The following RORA variants were observed in gnomAD, a reference collection of about 807,000 sequenced individuals.
RORA encodes the protein RAR related orphan receptor A.
In RORA, 7 loss-of-function variants were observed where a neutral mutation model predicts 69.5. The observed-to-expected ratio is 0.10, with a 90% CI of 0.06 to 0.19. RORA has a LOEUF of 0.19. RORA is among the 10% of genes least tolerant of loss of function. The pLI, the probability that RORA is intolerant of heterozygous loss-of-function variation, is 1.00. For missense variants in RORA, 457 were observed against 663.0 expected, an observed-to-expected ratio of 0.69 and a Z score of 3.41; for synonymous variants, 261 against 240.8, an observed-to-expected ratio of 1.08 and a Z score of -0.78.
intron 2 of RORA, among the ~76,000 whole-genome samples, chr15:60,578,219 T>C (rs527339916): frequency 3.9e-5 from 6 of 152,348 alleles, no homozygotes; most frequent in South Asian, 2.1e-4. Flanking sequence ...ATATCATCCA[T>C]GGGTCACTTG....
At chr15:60,896,473 C>T (rs1891234102) in intron 1 of RORA, among the ~76,000 whole-genome samples, 1 of 152,200 alleles carries the variant, frequency 6.6e-6, no homozygotes, top group African/African-American at 2.4e-5. Flanking sequence ...TCTCCTGATA[C>T]CCACACAGGA....
Position 60,531,644 on chromosome 15 carries a change from G to A in RORA, c.282+122C>T, listed in dbSNP as rs973939705. On this transcript the variant is annotated intron_variant, in intron 3 of 10. Transcript: ENST00000335670. This position sits in a 1 kb window ranked among gnomAD's most constrained non-coding sequence, Gnocchi z 4.8. ...AACACCAAAATATTTCTTCTATCCT[G>A]TAATTTCTTATCATTCAAAATTCTA... The A allele has an allele frequency of 1.3e-5, 8 of 611,110 alleles. No individual in the cohort carries two copies. Among genetic ancestry groups the A allele is most frequent in the Non-Finnish European group, 2.3e-5 (8 of 349,976 alleles). 37.9% of individuals were successfully genotyped at this position (611,110 alleles called of 1,614,324 possible).
At chr15:60,993,525 C>T (rs535350632) in intron 1 of RORA, among the ~76,000 whole-genome samples, 74 of 151,834 alleles carry the variant, frequency 4.9e-4, no homozygotes, top group Non-Finnish European at 9.3e-4. Context: ...TGCCTGTAAT[C>T]CTGGCTACTC....
chr15:60,547,223 T>C (rs2067097567), intron 2 of RORA, among the ~76,000 whole-genome samples: 1 of 152,166 alleles, frequency 6.6e-6, no homozygotes, highest in African/African-American at 2.4e-5. Flanking sequence ...GTCAAAGTTC[T>C]TATGTTGTCA....
chr15:61,126,827 C>T (rs78980577), intron 1 of RORA, among the ~76,000 whole-genome samples: 1,684 of 152,270 alleles, frequency 0.011, 26 homozygotes, highest in African/African-American at 0.036. Flanking sequence ...CATTCCATGC[C>T]GCTGGAGTGC....
chr15:60,890,421 G>A (rs2073800641), intron 1 of RORA, among the ~76,000 whole-genome samples: 1 of 152,204 alleles, frequency 6.6e-6, no homozygotes, highest in African/African-American at 2.4e-5. Flanking sequence ...ATCAAGAGGT[G>A]TACCGCTTGT....
chr15:60,897,371 C>T (rs1271889119), intron 1 of RORA, among the ~76,000 whole-genome samples: 1 of 152,160 alleles, frequency 6.6e-6, no homozygotes, highest in Non-Finnish European at 1.5e-5. Context: ...GGAGGTATCA[C>T]ATTAATCTCC....
rs147207884 is a variant in RORA at position 60,858,457 on chromosome 15, G to A, written c.167-179771C>T. On this transcript the variant is annotated intron_variant, in intron 1 of 10. Coordinates refer to ENST00000335670, the MANE Select transcript of RORA (RefSeq NM_134261.3). ...TCCCAGGCAACTGATGGACTGCAAT[G>A]TTTGGACTCACCCAGTATGGTTCAG... is the stretch of plus-strand genomic sequence containing the variant. 1.7e-3 allele frequency among the ~76,000 whole-genome samples: 256 copies of A among 152,260 alleles called. 2 individuals are homozygous for A. Among genetic ancestry groups the A allele is most frequent in the African/African-American group, 6.0e-3 (251 of 41,536 alleles).
chr15:61,130,804 T>A (rs562229048), intron 1 of RORA, among the ~76,000 whole-genome samples: 1 of 152,318 alleles, frequency 6.6e-6, no homozygotes, highest in East Asian at 1.9e-4. Flanking sequence ...CTTTCAACTT[T>A]TCTGCACATT....
At chr15:61,089,957 C>A (rs2078681325) in intron 1 of RORA, among the ~76,000 whole-genome samples, 1 of 152,206 alleles carries the variant, frequency 6.6e-6, no homozygotes, top group Non-Finnish European at 1.5e-5. Flanking sequence ...CATCCAAGGG[C>A]AACCTTTAAC....
intron 1 of RORA, among the ~76,000 whole-genome samples, chr15:61,054,968 C>G (rs2140516797): frequency 6.6e-6 from 1 of 151,994 alleles, no homozygotes; most frequent in East Asian, 1.9e-4. Flanking sequence ...TCCTGAATAG[C>G]TGGGACTACA....
chr15:60,511,431 G>C lies in RORA; in HGVS notation c.615C>G (p.Asp205Glu). ...ELHDDLSNYI[D>E]GHTPEGSKAD... ...CCTTACTCCCCTCAGGGGTGTGCCC[G>C]TCAATGTAGTTACTGAGGTCGTCGT... The change falls in exon 5 of 11, where the codon GAC becomes GAG. Residue 205 changes from aspartate (D) to glutamate (E), a missense_variant. Around this residue, in one of 3 missense-constraint regions of RORA, gnomAD observed 304 missense variants for 447.4 expected, o/e 0.68. Coordinates refer to ENST00000335670, the MANE Select transcript of RORA (RefSeq NM_134261.3). The surrounding 1 kb of genome is among the most constrained non-coding windows in gnomAD (Gnocchi z 6.4). 6.2e-7 allele frequency: 1 copy of C among 1,614,168 alleles called. No individual in the cohort carries two copies. The highest frequency in any genetic ancestry group is 8.5e-7 in the Non-Finnish European group (1 of 1,180,030).
At chr15:60,972,596 C>T (rs1448113513) in intron 1 of RORA, among the ~76,000 whole-genome samples, 1 of 152,068 alleles carries the variant, frequency 6.6e-6, no homozygotes, top group African/African-American at 2.4e-5. Flanking sequence ...AAATAAAGTC[C>T]AAAATTTCTC....
At chr15:61,134,230 G>C (rs1011744369) in intron 1 of RORA, among the ~76,000 whole-genome samples, 5 of 152,190 alleles carry the variant, frequency 3.3e-5, no homozygotes, top group African/African-American at 1.2e-4. Context: ...AGAATGGTCT[G>C]CCGGCTTATT....
chr15:60,674,270 A>G (rs901789419), intron 2 of RORA, among the ~76,000 whole-genome samples: 6 of 152,218 alleles, frequency 3.9e-5, no homozygotes, highest in Non-Finnish European at 8.8e-5. Context: ...AAGAGTCTAC[A>G]ATAAAAAAGT....
At position 61,042,587 on chromosome 15, in the gene RORA, T is replaced by C. The variant is rs189201134; in HGVS notation, c.166+186466A>G. Reference sequence around the variant, plus strand: ...TTTAACTTGTTTTCTCACAAAAGACTGTACGTAATTGGTCAGCCATGAGAG... The same window carrying C: ...TTTAACTTGTTTTCTCACAAAAGACCGTACGTAATTGGTCAGCCATGAGAG... On this transcript the variant is annotated intron_variant, in intron 1 of 10. Transcript: ENST00000335670. Among the ~76,000 whole-genome samples the C allele has an allele frequency of 8.0e-4, 122 of 152,336 alleles. 1 individual carries two copies. The highest frequency in any genetic ancestry group is 2.5e-3 in the African/African-American group (104 of 41,574).
At chr15:60,772,493 T>G (rs2072093085) in intron 1 of RORA, among the ~76,000 whole-genome samples, 1 of 152,244 alleles carries the variant, frequency 6.6e-6, no homozygotes, top group African/African-American at 2.4e-5. Context: ...TTAACTTTCT[T>G]TAAAAGCTGT....
chr15:61,165,662 T>C (rs999772325), intron 1 of RORA, among the ~76,000 whole-genome samples: 3 of 151,536 alleles, frequency 2.0e-5, no homozygotes, highest in Non-Finnish European at 2.9e-5. Context: ...CACTTGAGAG[T>C]GGAAACACAG....
chr15:60,705,004 C>A (rs1199496878), intron 1 of RORA, among the ~76,000 whole-genome samples: 1 of 152,110 alleles, frequency 6.6e-6, no homozygotes, highest in Non-Finnish European at 1.5e-5. Context: ...CAATGCTTTT[C>A]GTGAGCCCAC....
Sources: gnomAD v4.1 joint callset for allele counts (sites outside exome capture counted in the v4.1 genomes callset) on GRCh38, gnomAD v4.1.1 for gene constraint, gnomAD v4.1.1 regional missense constraint, Gnocchi (gnomAD v3.1) non-coding constraint, MANE v1.5 for transcripts, NCBI Gene and HGNC (gene_info 2026-07-23, HGNC 2026-07-21) for gene names.